RALGAPA1: variants seen among roughly 807,000 people sequenced by gnomAD.
The protein encoded by RALGAPA1 is ral GTPase-activating protein subunit alpha-1.
In RALGAPA1, 52 loss-of-function variants were observed where a neutral mutation model predicts 269.6. The ratio of observed to expected loss-of-function variants is 0.19; its 90% CI spans 0.15 to 0.24. RALGAPA1 has a LOEUF of 0.24. Ranked by LOEUF, RALGAPA1 falls within the 10% of genes least tolerant of loss-of-function variation. RALGAPA1 has a pLI of 1.00. For synonymous variants in RALGAPA1, 817 were observed against 1,008.3 expected (o/e 0.81, Z 3.60); for missense variants, 1,917 against 3,013.9 (o/e 0.64, Z 8.52).
chr14:35,541,040 A>ATTTTTTTTTT lies in RALGAPA1; in HGVS notation c.*24-1360_*24-1351dup, dbSNP rs559979336. On this transcript the variant is annotated intron_variant, in intron 41 of 41. Coordinates refer to ENST00000680220, the MANE Select transcript of RALGAPA1 (RefSeq NM_001346249.2). ...GAATATGTCTTTGCAGAACACTTCA[A>ATTTTTTTTTT]TTTTTTTTTTTTTTTTTTTTTTTTG... Among the ~76,000 whole-genome samples, 314 of 89,148 alleles carry ATTTTTTTTTT rather than the reference A, an allele frequency of 3.5e-3. 52 individuals carry two copies. The highest frequency in any genetic ancestry group is 0.014 in the African/African-American group (244 of 17,788). 58.5% of individuals were successfully genotyped at this position (89,148 alleles called of 152,430 possible).
At chr14:35,729,269 T>C (rs1277438156) in intron 12 of RALGAPA1, among the ~76,000 whole-genome samples, 1 of 151,988 alleles carries the variant, frequency 6.6e-6, no homozygotes, top group Non-Finnish European at 1.5e-5. Context: ...CATCAAAATA[T>C]TAAAATGGAA....
Position 35,560,379 on chromosome 14 carries a change from A to G in RALGAPA1, c.7496+10238T>C, listed in dbSNP as rs183284694. ...GACCATATCACATTTTTATGCCTCC[A>G]TGTCCACTTCTTACCCTTAAAAAAT... On this transcript the variant is annotated intron_variant, in intron 39 of 41. Coordinates refer to ENST00000680220, the MANE Select transcript of RALGAPA1 (RefSeq NM_001346249.2). Among the ~76,000 whole-genome samples the G allele has an allele frequency of 6.9e-4, 105 of 152,272 alleles. 1 individual carries two copies. The Middle Eastern group carries it at 0.01, about 15-fold the overall frequency.
At position 35,634,710 on chromosome 14, in the gene RALGAPA1, C is replaced by T. The variant is rs778693853; in HGVS notation, c.5859G>A (p.Arg1953=). The change falls in exon 33 of 42, where the codon AGG becomes AGA. Residue 1953 remains arginine (R), a synonymous_variant. Coordinates refer to ENST00000680220, the MANE Select transcript of RALGAPA1 (RefSeq NM_001346249.2). ...VYGAQCFSNP[R]YFPMSLSDLA... ...AATCAGAGAGGCTCATGGGAAAATACCTTGGATTGCTAAAACACTGAGCTC... is the reference window on the plus strand; with the variant it reads ...AATCAGAGAGGCTCATGGGAAAATATCTTGGATTGCTAAAACACTGAGCTC... 1.9e-5 allele frequency: 31 copies of T among 1,612,474 alleles called. No homozygotes were observed. The highest frequency in any genetic ancestry group is 2.5e-5 in the Non-Finnish European group (30 of 1,179,160).
In RALGAPA1 at chr14:35,748,832, A is replaced by AC; in HGVS notation, c.1012-9dup. On this transcript the variant is annotated splice_polypyrimidine_tract_variant and intron_variant, in intron 9 of 41. Transcript: ENST00000680220. ...TAAACTAGCAGCTGCTCTCTAAAAT[A>AC]CAAAAAAAAAAAAAAAAGAGAGAAA... is the stretch of plus-strand genomic sequence containing the variant. 1 of 1,508,064 alleles carries AC rather than the reference A, an allele frequency of 6.6e-7. No homozygotes were observed. Among genetic ancestry groups the AC allele is most frequent in the Non-Finnish European group, 8.8e-7 (1 of 1,142,396 alleles). The allele number at this position is 1,508,064 out of a possible 1,614,324, so 93.4% of individuals were successfully genotyped here.
At chr14:35,681,450 C>G (rs2140349444) in intron 21 of RALGAPA1, among the ~76,000 whole-genome samples, 1 of 152,168 alleles carries the variant, frequency 6.6e-6, no homozygotes, top group South Asian at 2.1e-4. Context: ...AACATAAAGG[C>G]AAAAGACCTA....
At chr14:35,772,588 G>A (rs1454106860) in intron 3 of RALGAPA1, among the ~76,000 whole-genome samples, 4 of 152,074 alleles carry the variant, frequency 2.6e-5, no homozygotes, top group African/African-American at 9.7e-5. Context: ...TGTTATTGCT[G>A]TTCTTACTAT....
intron 35 of RALGAPA1, among the ~76,000 whole-genome samples, chr14:35,610,590 C>T (rs1335440636): frequency 1.3e-5 from 2 of 151,930 alleles, no homozygotes; most frequent in African/African-American, 4.8e-5. Context: ...CCAAAAGACA[C>T]AATTTCTAAA....
intron 27 of RALGAPA1, among the ~76,000 whole-genome samples, chr14:35,664,283 G>C (rs980652154): frequency 2.6e-5 from 4 of 152,164 alleles, no homozygotes; most frequent in African/African-American, 9.6e-5. Flanking sequence ...GAGAAACTGG[G>C]AGAAGGAGAG....
intron 1 of RALGAPA1, among the ~76,000 whole-genome samples, chr14:35,782,037 A>G (rs1448062205): frequency 6.6e-6 from 1 of 152,204 alleles, no homozygotes; most frequent in Non-Finnish European, 1.5e-5. Context: ...AAGCATTACT[A>G]TCTCTACTCA....
At chr14:35,564,671 C>G (rs576374190) in intron 39 of RALGAPA1, among the ~76,000 whole-genome samples, 1 of 152,018 alleles carries the variant, frequency 6.6e-6, no homozygotes, top group Non-Finnish European at 1.5e-5. Context: ...TATTCTAAAT[C>G]GAGGAATAAA....
chr14:35,704,668 G>T (rs1595222939), intron 16 of RALGAPA1, among the ~76,000 whole-genome samples: 1 of 152,026 alleles, frequency 6.6e-6, no homozygotes, highest in Non-Finnish European at 1.5e-5. Context: ...AGGACATAAG[G>T]TCCTTACATC....
At chr14:35,772,719 T>A (rs962802875) in intron 3 of RALGAPA1, among the ~76,000 whole-genome samples, 2 of 152,214 alleles carry the variant, frequency 1.3e-5, no homozygotes, top group Non-Finnish European at 2.9e-5. Flanking sequence ...GGAGGGTTTA[T>A]CTCATTCAAC....
intron 21 of RALGAPA1, among the ~76,000 whole-genome samples, chr14:35,678,543 G>A (rs1040098651): frequency 2.0e-5 from 3 of 152,102 alleles, no homozygotes; most frequent in East Asian, 1.9e-4. Flanking sequence ...CCCACATCCT[G>A]ACTTCCCCCT....
intron 35 of RALGAPA1, 122 bp from the exon 36 acceptor site, chr14:35,605,831 A>C: frequency 1.8e-6 from 2 of 1,141,504 alleles, no homozygotes; most frequent in South Asian, 3.7e-5. Context: ...TAGATCTTAT[A>C]GTCTACAGAA....
At chr14:35,735,061 C>G (rs2070854192) in intron 12 of RALGAPA1, among the ~76,000 whole-genome samples, 1 of 151,150 alleles carries the variant, frequency 6.6e-6, no homozygotes, top group South Asian at 2.1e-4. Context: ...TCAAAAAACA[C>G]TAGATGCTGG....
chr14:35,570,593 A>C (rs1473848350), intron 39 of RALGAPA1, 24 bp downstream of exon 39: 1 of 1,581,850 alleles, frequency 6.3e-7, no homozygotes, highest in African/African-American at 1.4e-5. Flanking sequence ...TAGAGTAGAA[A>C]CCATTACATT....
intron 11 of RALGAPA1, among the ~76,000 whole-genome samples, chr14:35,741,522 A>C (rs1260493913): frequency 3.3e-5 from 5 of 152,130 alleles, no homozygotes; most frequent in Admixed American, 3.3e-4. Flanking sequence ...GAACTGGCCT[A>C]TTCATCCACA....
At chr14:35,750,351 C>A in intron 9 of RALGAPA1, 131 bp downstream of exon 9, 1 of 501,566 alleles carries the variant, frequency 2.0e-6, no homozygotes. Flanking sequence ...TTTGCATTTA[C>A]AAAATATATT....
At chr14:35,734,276 G>A (rs1355795029) in intron 12 of RALGAPA1, among the ~76,000 whole-genome samples, 1 of 152,106 alleles carries the variant, frequency 6.6e-6, no homozygotes, top group Non-Finnish European at 1.5e-5. Context: ...AACAAATCTG[G>A]AGGTATCACA....
Sources: gnomAD v4.1 joint callset for allele counts (sites outside exome capture counted in the v4.1 genomes callset) on GRCh38, gnomAD v4.1.1 for gene constraint, MANE v1.5 for transcripts, NCBI Gene and HGNC (gene_info 2026-07-23, HGNC 2026-07-21) for gene names.